The following AKAP13 variants were observed in gnomAD, a reference collection of about 807,000 sequenced individuals.
AKAP13 encodes the protein A-kinase anchor protein 13.
Under a neutral mutation model 264.5 loss-of-function variants are expected in AKAP13, and 80 were observed. The ratio of observed to expected loss-of-function variants is 0.30; its 90% CI spans 0.25 to 0.36. AKAP13 has a LOEUF of 0.36. AKAP13 is among the 10% of genes least tolerant of loss of function. The pLI, the probability that AKAP13 is intolerant of heterozygous loss-of-function variation, is 1.00. For missense variants in AKAP13, 3,712 were observed against 3,435.2 expected (o/e 1.08, Z -2.01); for synonymous variants, 1,380 against 1,250.2 (o/e 1.10, Z -2.19).
At chr15:85,407,527 A>T (rs891273164) in intron 1 of AKAP13, among the ~76,000 whole-genome samples, 2 of 151,674 alleles carry the variant, frequency 1.3e-5, no homozygotes, top group African/African-American at 4.9e-5. Context: ...GGCATGAGCC[A>T]TCGTGCCCGG....
chr15:85,681,107 C>T (rs889344645), intron 14 of AKAP13, among the ~76,000 whole-genome samples: 1 of 152,168 alleles, frequency 6.6e-6, no homozygotes, highest in Non-Finnish European at 1.5e-5. Context: ...CATGAGCCAC[C>T]GCGCCTGGCC....
intron 17 of AKAP13, among the ~76,000 whole-genome samples, chr15:85,694,756 C>T (rs1401125198): frequency 1.3e-5 from 2 of 152,112 alleles, no homozygotes; most frequent in Non-Finnish European, 2.9e-5. Context: ...TCCAGCCAGT[C>T]CAGGGCCAGT....
chr15:85,743,900 T>G, intron 36 of AKAP13, 75 bp downstream of exon 36: 1 of 1,493,322 alleles, frequency 6.7e-7, no homozygotes, highest in Non-Finnish European at 8.9e-7. Context: ...TTTAGTGGCA[T>G]GGGGCGGGGT....
At chr15:85,484,286 T>C (rs1331541242) in intron 1 of AKAP13, among the ~76,000 whole-genome samples, 1 of 152,088 alleles carries the variant, frequency 6.6e-6, no homozygotes, top group African/African-American at 2.4e-5. Context: ...TTTGTTCTTC[T>C]AAAAATGTTG....
In AKAP13 at chr15:85,521,474, A is replaced by C. The variant is rs1333055473; in HGVS notation, c.80A>C (p.Glu27Ala). Residue 27 changes from glutamate to alanine, a missense_variant, in exon 3 of 37, where the codon GAA (glutamate) becomes GCA (alanine). Physicochemically the swap from Glu to Ala is moderately radical, Grantham distance 107. This residue lies in a region of AKAP13 where 2,759 missense variants were observed against 2,411.7 expected (regional missense o/e 1.14). Transcript: ENST00000394518. Reference sequence around the variant, plus strand: ...CTGCTTGCTGAAGAGGACAAAGCTGAAGATGATGTAGTGTTTTACTTGGTA... The same window carrying C: ...CTGCTTGCTGAAGAGGACAAAGCTGCAGATGATGTAGTGTTTTACTTGGTA... ...TVLLAEEDKA[E>A]DDVVFYLVFL... 1 of 1,614,054 alleles carries C rather than the reference A, an allele frequency of 6.2e-7. No individual in the cohort carries two copies. Among genetic ancestry groups the C allele is most frequent in the Non-Finnish European group, 8.5e-7 (1 of 1,180,024 alleles).
chr15:85,500,142 C>T (rs1417385920), intron 2 of AKAP13, among the ~76,000 whole-genome samples: 1 of 152,144 alleles, frequency 6.6e-6, no homozygotes. Flanking sequence ...TGAAACCACA[C>T]AGGGGGATTT....
chr15:85,553,054 G>T (rs2078016534), intron 5 of AKAP13, among the ~76,000 whole-genome samples: 3 of 149,392 alleles, frequency 2.0e-5, no homozygotes, highest in African/African-American at 7.3e-5. Context: ...GTTAAATCTA[G>T]AGTTTTAATA....
At chr15:85,691,343 G>A (rs1156988587) in intron 16 of AKAP13, among the ~76,000 whole-genome samples, 1 of 152,198 alleles carries the variant, frequency 6.6e-6, no homozygotes, top group African/African-American at 2.4e-5. Flanking sequence ...GACCTTTTAT[G>A]GAGAGCATGG....
chr15:85,605,572 T>A (rs1473162516), intron 8 of AKAP13, among the ~76,000 whole-genome samples: 1 of 152,106 alleles, frequency 6.6e-6, no homozygotes, highest in Non-Finnish European at 1.5e-5. Flanking sequence ...CAAACAAACA[T>A]GGCACATGTT....
chr15:85,747,633 C>CTCTCA lies in AKAP13; in HGVS notation c.*2959_*2963dup. On this transcript the variant is annotated 3_prime_UTR_variant, in exon 37 of 37. Coordinates refer to ENST00000394518, the MANE Select transcript of AKAP13 (RefSeq NM_007200.5). ...TTAGGTGACATGTGCACTTTAAATGCTCTCATCGGTTGGCTTCATTTTCAA... is the reference window on the plus strand; with the variant it reads ...TTAGGTGACATGTGCACTTTAAATGCTCTCATCTCATCGGTTGGCTTCATTTTCAA... 1 of 152,736 alleles carries CTCTCA rather than the reference C, an allele frequency of 6.5e-6. No homozygotes were observed. Among genetic ancestry groups the CTCTCA allele is most frequent in the African/African-American group, 2.4e-5 (1 of 41,558 alleles). The allele number at this position is 152,736 out of a possible 1,614,324, so 9.5% of individuals were successfully genotyped here.
intron 17 of AKAP13, among the ~76,000 whole-genome samples, chr15:85,695,906 A>T (rs1309113698): frequency 6.6e-6 from 1 of 152,230 alleles, no homozygotes; most frequent in Non-Finnish European, 1.5e-5. Context: ...GGAGGTCTAT[A>T]GTTTAGTTTT....
chr15:85,652,933 CT>C (rs769287412), intron 10 of AKAP13, among the ~76,000 whole-genome samples: 1 of 152,180 alleles, frequency 6.6e-6, no homozygotes, highest in Non-Finnish European at 1.5e-5. Flanking sequence ...ATAACCTCAT[CT>C]TAACTAATTA....
At chr15:85,387,921 A>G (rs977833423) in intron 1 of AKAP13, among the ~76,000 whole-genome samples, 2 of 152,200 alleles carry the variant, frequency 1.3e-5, no homozygotes, top group East Asian at 1.9e-4. Context: ...TGCTAAACTC[A>G]TTTTTAGTAA....
rs114260036 is a variant in AKAP13 at position 85,632,134 on chromosome 15, C to A, written c.4162-7240C>A. On this transcript the variant is annotated intron_variant, in intron 8 of 36. Transcript: ENST00000394518. ...TGCAAGCTGGCAAGTTAACTTACAT[C>A]CTGACACAGTTTCATGGGTGCTGGC... 4.0e-3 allele frequency among the ~76,000 whole-genome samples: 612 copies of A among 152,214 alleles called. 4 individuals are homozygous for A. Among genetic ancestry groups the A allele is most frequent in the African/African-American group, 0.014 (583 of 41,534 alleles).
In AKAP13 at chr15:85,417,930, A is replaced by G. The variant is rs907317981; in HGVS notation, c.-12+37132A>G. ...GGTAATTTAAAATTTCCTAGTTGCT[A>G]CATTAAAGGAGAAGTTTATTTTAAT... On this transcript the variant is annotated intron_variant, in intron 1 of 36. Transcript: ENST00000394518. Among the ~76,000 whole-genome samples, 2 of 152,184 alleles carry G rather than the reference A, an allele frequency of 1.3e-5. 1 individual carries two copies. The highest frequency in any genetic ancestry group is 2.9e-5 in the Non-Finnish European group (2 of 68,032).
At chr15:85,698,029 A>T (rs1270222411) in intron 17 of AKAP13, among the ~76,000 whole-genome samples, 2 of 152,170 alleles carry the variant, frequency 1.3e-5, no homozygotes, top group East Asian at 3.8e-4. Flanking sequence ...ACAGTGGCTT[A>T]AAAAAAGGAA....
chr15:85,559,915 G>A (rs535827142), intron 5 of AKAP13, among the ~76,000 whole-genome samples: 1 of 152,082 alleles, frequency 6.6e-6, no homozygotes, highest in East Asian at 1.9e-4. Context: ...TAAGTCATCT[G>A]GGGGGTGAGA....
intron 12 of AKAP13, among the ~76,000 whole-genome samples, chr15:85,661,680 C>T (rs1436423561): frequency 1.4e-5 from 2 of 146,908 alleles, no homozygotes; most frequent in East Asian, 1.9e-4. Context: ...AGGATCGCAC[C>T]ATTACTCTCT....
chr15:85,638,610 A>G (rs2082167722), intron 8 of AKAP13, among the ~76,000 whole-genome samples: 1 of 152,200 alleles, frequency 6.6e-6, no homozygotes, highest in Non-Finnish European at 1.5e-5. Context: ...ATCAAAGAGA[A>G]TTATAATATT....
Sources: allele counts gnomAD v4.1 joint callset (sites outside exome capture counted in the v4.1 genomes callset), GRCh38; gene constraint gnomAD v4.1.1; regional missense constraint gnomAD v4.1.1; transcripts MANE v1.5; gene names NCBI Gene and HGNC (gene_info 2026-07-23, HGNC 2026-07-21).